The following PLXDC2 variants were observed in gnomAD, a reference collection of about 807,000 sequenced individuals.
The protein encoded by PLXDC2 is plexin domain containing 2.
In PLXDC2, 40 loss-of-function variants were observed where a neutral mutation model predicts 68.9. The ratio of observed to expected loss-of-function variants is 0.58; its 90% CI spans 0.45 to 0.76. The LOEUF (loss-of-function observed/expected upper bound fraction) is 0.76. PLXDC2 is among the 30% of genes least tolerant of loss of function. The pLI is 0.00. For missense variants in PLXDC2, 644 were observed against 661.9 expected (o/e 0.97, Z 0.30); for synonymous variants, 243 against 234.2 (o/e 1.04, Z -0.34).
chr10:19,860,654 A>G (rs1837301705), intron 1 of PLXDC2, among the ~76,000 whole-genome samples: 2 of 152,156 alleles, frequency 1.3e-5, no homozygotes, highest in African/African-American at 4.8e-5. Context: ...TCATCAATAA[A>G]TATCTACTAT....
intron 1 of PLXDC2, among the ~76,000 whole-genome samples, chr10:19,839,249 T>TCTAGAAA (rs1836859710): frequency 6.6e-6 from 1 of 150,884 alleles, no homozygotes. Flanking sequence ...CAGAGAAAGG[T>TCTAGAAA]CTAGAAAGCT....
chr10:19,981,243 T>C (rs1834544877), intron 1 of PLXDC2, among the ~76,000 whole-genome samples: 1 of 152,208 alleles, frequency 6.6e-6, no homozygotes, highest in African/African-American at 2.4e-5. Flanking sequence ...ATTCTTTGAG[T>C]TTATTGAAGA....
At chr10:20,214,815 T>G (rs556533462) in intron 10 of PLXDC2, among the ~76,000 whole-genome samples, 4 of 152,286 alleles carry the variant, frequency 2.6e-5, no homozygotes, top group Non-Finnish European at 5.9e-5. Flanking sequence ...AGATCCTGTT[T>G]ACGGAATACT....
At chr10:20,209,588 G>C (rs564385800) in intron 9 of PLXDC2, among the ~76,000 whole-genome samples, 1 of 152,114 alleles carries the variant, frequency 6.6e-6, no homozygotes, top group South Asian at 2.1e-4. Context: ...GCTTTTGAAA[G>C]AAGAGAAATA....
intron 1 of PLXDC2, among the ~76,000 whole-genome samples, chr10:19,919,460 T>C (rs1194245920): frequency 1.3e-5 from 2 of 152,174 alleles, no homozygotes. Flanking sequence ...CTTGGAAGAA[T>C]TGGAGATGGC....
At chr10:20,255,318 T>C (rs192826705) in intron 13 of PLXDC2, among the ~76,000 whole-genome samples, 8 of 152,268 alleles carry the variant, frequency 5.3e-5, no homozygotes, top group Admixed American at 5.2e-4. Context: ...CTTGGGCATT[T>C]GTAAGCCTGA....
intron 2 of PLXDC2, among the ~76,000 whole-genome samples, chr10:20,027,664 A>G (rs1835426274): frequency 6.6e-6 from 1 of 150,492 alleles, no homozygotes; most frequent in Non-Finnish European, 1.5e-5. Flanking sequence ...ACTTTCTCTC[A>G]ACACTTGTTT....
chr10:19,858,099 G>A (rs1162152975), intron 1 of PLXDC2, among the ~76,000 whole-genome samples: 2 of 152,124 alleles, frequency 1.3e-5, no homozygotes, highest in Non-Finnish European at 2.9e-5. Flanking sequence ...TGGCCTCTTG[G>A]AGGAACAGAA....
intron 3 of PLXDC2, among the ~76,000 whole-genome samples, chr10:20,054,622 A>G (rs1328330651): frequency 1.3e-5 from 2 of 152,044 alleles, no homozygotes; most frequent in African/African-American, 4.8e-5. Context: ...CAAACACCGC[A>G]TGTTCTCACT....
intron 1 of PLXDC2, among the ~76,000 whole-genome samples, chr10:19,938,900 G>A (rs1463324199): frequency 6.6e-6 from 1 of 152,142 alleles, no homozygotes; most frequent in African/African-American, 2.4e-5. Flanking sequence ...GTCTGTTGCA[G>A]TAGTCCAGAA....
intron 1 of PLXDC2, among the ~76,000 whole-genome samples, chr10:19,839,817 T>C (rs1836870293): frequency 6.6e-6 from 1 of 152,196 alleles, no homozygotes; most frequent in African/African-American, 2.4e-5. Flanking sequence ...ATTTACTTTC[T>C]TGCTTCCTGT....
intron 1 of PLXDC2, among the ~76,000 whole-genome samples, chr10:19,993,149 G>A (rs1834778312): frequency 6.6e-6 from 1 of 152,072 alleles, no homozygotes; most frequent in Non-Finnish European, 1.5e-5. Flanking sequence ...TTCATTAGAA[G>A]CAATGTGTAA....
chr10:20,150,229 T>A (rs1834135027), intron 6 of PLXDC2, among the ~76,000 whole-genome samples: 1 of 152,206 alleles, frequency 6.6e-6, no homozygotes, highest in Admixed American at 6.5e-5. Context: ...GCCCTAAAAA[T>A]TTTCTTTGTT....
intron 2 of PLXDC2, among the ~76,000 whole-genome samples, chr10:20,030,963 G>A (rs10740960): frequency 0.74 from 111,834 of 152,084 alleles, 41,991 homozygotes; most frequent in East Asian, 0.9. Flanking sequence ...AAATGAGACA[G>A]CAAATGGAGA....
intron 9 of PLXDC2, among the ~76,000 whole-genome samples, chr10:20,206,015 C>T (rs7922905): frequency 0.46 from 70,297 of 151,696 alleles, 16,457 homozygotes; most frequent in Middle Eastern, 0.55. Context: ...ATTGCTTAGA[C>T]GGTAAATGTC....
In PLXDC2 at chr10:20,281,987, A is replaced by G. The variant is rs1041246431; in HGVS notation, c.*2168A>G. The G allele has an allele frequency of 9.2e-5, 14 of 152,194 alleles. No homozygotes were observed. The highest frequency in any genetic ancestry group is 3.4e-4 in the African/African-American group (14 of 41,456). 9.4% of individuals were successfully genotyped at this position (152,194 alleles called of 1,614,324 possible). ...CTTAAGTACTACTTAATTCTCAAGT[A>G]GTAATGTTATTCTTATACCCTTCAG... On this transcript the variant is annotated 3_prime_UTR_variant, in exon 14 of 14. Transcript: ENST00000377252.
At chr10:20,184,246 T>C (rs1834648837) in intron 9 of PLXDC2, among the ~76,000 whole-genome samples, 1 of 151,434 alleles carries the variant, frequency 6.6e-6, no homozygotes, top group Admixed American at 6.6e-5. Context: ...TCCTTTGCAG[T>C]AATGAAAAGA....
chr10:19,958,994 C>A (rs946494138), intron 1 of PLXDC2, among the ~76,000 whole-genome samples: 2 of 152,144 alleles, frequency 1.3e-5, no homozygotes, highest in Non-Finnish European at 2.9e-5. Context: ...TGGCCTATGG[C>A]AGACAGCCTT....
chr10:19,928,474 G>A (rs1456958858), intron 1 of PLXDC2, among the ~76,000 whole-genome samples: 1 of 152,128 alleles, frequency 6.6e-6, no homozygotes, highest in Non-Finnish European at 1.5e-5. Context: ...TTTTTGTAGT[G>A]CAAATAATCT....
Sources: gnomAD v4.1 joint callset for allele counts (sites outside exome capture counted in the v4.1 genomes callset) on GRCh38, gnomAD v4.1.1 for gene constraint, MANE v1.5 for transcripts, NCBI Gene and HGNC (gene_info 2026-07-23, HGNC 2026-07-21) for gene names.